The following RAP1A variants were observed in gnomAD, a reference collection of about 807,000 sequenced individuals.
RAP1A encodes the protein RAP1A, member of RAS oncogene family, also known as ras-related protein Rap-1A.
Under a neutral mutation model 26.4 loss-of-function variants are expected in RAP1A, and 6 were observed. The observed-to-expected ratio is 0.23, with a 90% CI of 0.12 to 0.45. RAP1A has a LOEUF of 0.45. RAP1A is among the 20% of genes least tolerant of loss of function. The pLI, the probability that RAP1A is intolerant of heterozygous loss-of-function variation, is 0.99. For synonymous variants in RAP1A, 73 were observed against 79.4 expected (o/e 0.92, Z 0.43); for missense variants, 121 against 217.2 (o/e 0.56, Z 2.78).
intron 1 of RAP1A, chr1:111,648,179 G>A (rs1660132561): frequency 5.6e-5 from 13 of 230,526 alleles, no homozygotes; most frequent in South Asian, 4.4e-4. Context: ...CAAACAGTGT[G>A]TGTGTGTGTG....
At chr1:111,642,051 C>T (rs895924483) in intron 1 of RAP1A, among the ~76,000 whole-genome samples, 1 of 152,116 alleles carries the variant, frequency 6.6e-6, no homozygotes, top group Non-Finnish European at 1.5e-5. Flanking sequence ...TTGAGACCAG[C>T]CTAACCAACA....
At chr1:111,565,891 A>G (rs1657907341) in intron 1 of RAP1A, among the ~76,000 whole-genome samples, 1 of 152,112 alleles carries the variant, frequency 6.6e-6, no homozygotes, top group Admixed American at 6.6e-5. Flanking sequence ...CACTAATCTA[A>G]ACTCAAAGTG....
intron 1 of RAP1A, among the ~76,000 whole-genome samples, chr1:111,578,047 T>G (rs1375653701): frequency 6.6e-6 from 1 of 152,232 alleles, no homozygotes; most frequent in African/African-American, 2.4e-5. Context: ...GGCAAATGTC[T>G]AAATGGACAA....
rs928249179 is a variant in RAP1A, at chr1:111,542,225, G to A, written c.-312G>A. On this transcript the variant is annotated 5_prime_UTR_variant, in exon 1 of 8. Transcript: ENST00000356415. ...CAGCTTAATGAAACAGACATCCTTCGCGTACTGACGGAAACACTGGCGGCA... is the reference window on the plus strand; with the variant it reads ...CAGCTTAATGAAACAGACATCCTTCACGTACTGACGGAAACACTGGCGGCA... 13 of 602,344 alleles carry A rather than the reference G, an allele frequency of 2.2e-5. No individual in the cohort carries two copies. In the African/African-American group the frequency reaches 2.4e-4, roughly 11 times the overall value. 37.3% of individuals were successfully genotyped at this position (602,344 alleles called of 1,614,324 possible).
chr1:111,608,942 G>C (rs1362747201), intron 1 of RAP1A, among the ~76,000 whole-genome samples: 1 of 152,220 alleles, frequency 6.6e-6, no homozygotes, highest in Non-Finnish European at 1.5e-5. Flanking sequence ...GAGTTCTGCT[G>C]AGCTGACCTC....
intron 1 of RAP1A, among the ~76,000 whole-genome samples, chr1:111,688,094 C>T (rs1470186283): frequency 9.5e-6 from 1 of 105,608 alleles, no homozygotes; most frequent in Non-Finnish European, 1.9e-5. Flanking sequence ...TTTTTGCCTC[C>T]AGCTTTTTTT....
chr1:111,572,978 T>C (rs969092549), intron 1 of RAP1A, among the ~76,000 whole-genome samples: 1 of 152,208 alleles, frequency 6.6e-6, no homozygotes, highest in African/African-American at 2.4e-5. Context: ...TAGTTCCCAC[T>C]TATAAGAAAA....
intron 1 of RAP1A, chr1:111,563,752 C>A: frequency 1.2e-6 from 1 of 859,258 alleles, no homozygotes; most frequent in Non-Finnish European, 1.9e-6. Context: ...AGTAGCTTGC[C>A]CCATATCATG....
At chr1:111,635,199 A>G (rs1037832029) in intron 1 of RAP1A, among the ~76,000 whole-genome samples, 3 of 152,156 alleles carry the variant, frequency 2.0e-5, no homozygotes, top group African/African-American at 7.2e-5. Context: ...AAGATTTTGT[A>G]CTGTTGTACC....
chr1:111,699,290 A>C (rs1465948347), intron 4 of RAP1A, among the ~76,000 whole-genome samples: 1 of 151,996 alleles, frequency 6.6e-6, no homozygotes, highest in East Asian at 1.9e-4. Context: ...ATGATTTACT[A>C]CCCTGGCTTG....
rs771755209 is a variant in RAP1A, at chr1:111,704,444, C to A, written c.426C>A (p.Ala142=). 8.7e-5 allele frequency: 140 copies of A among 1,613,556 alleles called. No homozygotes were observed. In the Admixed American group the frequency reaches 1.4e-3, roughly 16 times the overall value. The change falls in exon 6 of 8, where the codon GCC becomes GCA. Residue 142 remains alanine, a synonymous_variant. Transcript: ENST00000369709. The stretch of plus-strand genomic sequence containing the variant: ...TAGCAAGACAGTGGTGTAACTGTGC[C>A]TTTTTAGAATCTTCTGCAAAGTCAA... ...QNLARQWCNC[A]FLESSAKSKI... is the part of the protein sequence containing the mutation.
intron 1 of RAP1A, chr1:111,648,517 C>G: frequency 1.8e-6 from 1 of 559,032 alleles, no homozygotes; most frequent in Non-Finnish European, 3.4e-6. Context: ...TGGCGTTGCC[C>G]CTCTGCCCGG....
chr1:111,577,866 C>T (rs1658177334), intron 1 of RAP1A, among the ~76,000 whole-genome samples: 2 of 152,134 alleles, frequency 1.3e-5, no homozygotes, highest in African/African-American at 4.8e-5. Flanking sequence ...TCCCTCCTCT[C>T]CACCCATCCT....
intron 1 of RAP1A, among the ~76,000 whole-genome samples, chr1:111,653,114 G>A (rs1323202088): frequency 1.3e-5 from 2 of 152,116 alleles, no homozygotes; most frequent in Admixed American, 6.5e-5. Flanking sequence ...CTTCAACATC[G>A]ATGAACCTTG....
At chr1:111,706,118 A>G (rs1229595458) in intron 6 of RAP1A, among the ~76,000 whole-genome samples, 1 of 152,252 alleles carries the variant, frequency 6.6e-6, no homozygotes, top group Non-Finnish European at 1.5e-5. Flanking sequence ...TATAAAAACA[A>G]ACATAGAAAA....
chr1:111,606,651 A>C (rs926817614), intron 1 of RAP1A, among the ~76,000 whole-genome samples: 11 of 152,142 alleles, frequency 7.2e-5, no homozygotes, highest in Admixed American at 6.5e-4. Flanking sequence ...CTCCTACTGG[A>C]GCAGAAGGGG....
At chr1:111,660,950 A>T (rs940697685) in intron 1 of RAP1A, among the ~76,000 whole-genome samples, 1 of 151,858 alleles carries the variant, frequency 6.6e-6, no homozygotes, top group African/African-American at 2.4e-5. Context: ...CTCAAACATC[A>T]CTCTTCTAGA....
At chr1:111,712,028 A>C (rs72690792) in intron 7 of RAP1A, among the ~76,000 whole-genome samples, 19,655 of 152,182 alleles carry the variant, frequency 0.13, 1,611 homozygotes, top group South Asian at 0.18. Context: ...TATCTTATGG[A>C]AAGTTTATGG....
In RAP1A at chr1:111,695,397, T is replaced by C; in HGVS notation, c.114T>C (p.Asp38=). 6.4e-7 allele frequency: 1 copy of C among 1,566,986 alleles called. No homozygotes were observed. Among genetic ancestry groups the C allele is most frequent in the Non-Finnish European group, 8.6e-7 (1 of 1,161,378 alleles). ...FVEKYDPTIE[D]SYRKQVEVDC... is the part of the protein sequence containing the mutation. The stretch of plus-strand genomic sequence containing the variant: ...AAAAATATGACCCAACGATAGAAGA[T>C]TCCTACAGAAAGGTAAAATGTGAAA... The change falls in exon 3 of 8, where the codon GAT becomes GAC. Residue 38 remains aspartate, a synonymous_variant. Coordinates refer to ENST00000369709, the MANE Select transcript of RAP1A (RefSeq NM_002884.4).
Sources: gnomAD v4.1 joint callset for allele counts (sites outside exome capture counted in the v4.1 genomes callset) on GRCh38, gnomAD v4.1.1 for gene constraint, MANE v1.5 for transcripts, NCBI Gene and HGNC (gene_info 2026-07-23, HGNC 2026-07-21) for gene names.